The following RANBP2 variants were observed in gnomAD, a reference collection of about 807,000 sequenced individuals.
RANBP2 encodes RAN binding protein 2.
In RANBP2, 57 loss-of-function variants were observed where a neutral mutation model predicts 303.6. The ratio of observed to expected loss-of-function variants is 0.19; its 90% confidence interval spans 0.15 to 0.23. The LOEUF is 0.23. RANBP2 is among the 10% of genes least tolerant of loss of function. RANBP2 has a pLI of 1.00. For missense variants in RANBP2, 3,138 were observed against 3,780.8 expected (o/e 0.83, Z 4.46); for synonymous variants, 1,167 against 1,301.5 (o/e 0.90, Z 2.23).
the RANBP2 span, among the ~76,000 whole-genome samples, chr2:109,313,931 C>T: frequency 2.0e-5 from 3 of 151,966 alleles, no homozygotes; most frequent in Admixed American, 1.3e-4. Context: ...ATGCAGGGTG[C>T]CGTGTTTGGA....
chr2:109,596,937 A>T, the RANBP2 span, among the ~76,000 whole-genome samples: 3 of 152,190 alleles, frequency 2.0e-5, no homozygotes, highest in Non-Finnish European at 2.9e-5. Flanking sequence ...TAATTTTTTT[A>T]AAATTTATTA....
At chr2:109,633,141 C>T in the RANBP2 span, among the ~76,000 whole-genome samples, 1 of 152,086 alleles carries the variant, frequency 6.6e-6, no homozygotes, top group Non-Finnish European at 1.5e-5. Context: ...CCTGTAATCC[C>T]AGAACTTTGG....
chr2:109,350,592 G>C, the RANBP2 span, among the ~76,000 whole-genome samples: 1 of 152,174 alleles, frequency 6.6e-6, no homozygotes, highest in South Asian at 2.1e-4. Context: ...TCACTCCTCA[G>C]TGTCCGCAAA....
chr2:109,259,462 G>A, the RANBP2 span, among the ~76,000 whole-genome samples: 13 of 152,340 alleles, frequency 8.5e-5, no homozygotes, highest in African/African-American at 3.1e-4. Flanking sequence ...ATTGGCTATT[G>A]TGGGCCTGTT....
chr2:109,768,674 CT>C, the RANBP2 span, among the ~76,000 whole-genome samples: 1 of 112,020 alleles, frequency 8.9e-6, no homozygotes, highest in Non-Finnish European at 1.9e-5. Context: ...TTTGCATTTC[CT>C]TCTCCCTGTT....
At chr2:109,594,910 CAG>C in the RANBP2 span, 19 of 150,684 alleles carry the variant, frequency 1.3e-4, no homozygotes, top group Non-Finnish European at 2.5e-4. Flanking sequence ...TTTTTTGAGA[CAG>C]AGTCTCACTC....
At chr2:109,689,289 G>C in the RANBP2 span, among the ~76,000 whole-genome samples, 4 of 152,288 alleles carry the variant, frequency 2.6e-5, no homozygotes, top group Non-Finnish European at 5.9e-5. Context: ...CTGCAGACAG[G>C]CTTTTGGAAA....
At chr2:108,947,063 T>C in the RANBP2 span, among the ~76,000 whole-genome samples, 1 of 152,154 alleles carries the variant, frequency 6.6e-6, no homozygotes, top group African/African-American at 2.4e-5. Flanking sequence ...CAAGATACAA[T>C]GGAGATACAG....
At chr2:108,964,815 C>T in the RANBP2 span, among the ~76,000 whole-genome samples, 7 of 152,128 alleles carry the variant, frequency 4.6e-5, no homozygotes, top group African/African-American at 1.7e-4. Flanking sequence ...ATCAGAAGAC[C>T]TTCCAGAGAG....
At chr2:109,398,953 C>T in the RANBP2 span, 13 of 1,605,078 alleles carry the variant, frequency 8.1e-6, no homozygotes, top group African/African-American at 6.7e-5. Context: ...GGTAACATCC[C>T]GCGGGCCAGG....
the RANBP2 span, among the ~76,000 whole-genome samples, chr2:109,426,325 AT>A: frequency 3.9e-5 from 6 of 152,230 alleles, no homozygotes; most frequent in African/African-American, 1.4e-4. Context: ...CATTATGAAC[AT>A]TTGTGATTCA....
chr2:109,481,734 G>A, the RANBP2 span, among the ~76,000 whole-genome samples: 4 of 152,178 alleles, frequency 2.6e-5, no homozygotes, highest in South Asian at 2.1e-4. Context: ...AAGTGCAGAC[G>A]CTGTGCTGTG....
the RANBP2 span, among the ~76,000 whole-genome samples, chr2:108,893,128 C>T: frequency 2.0e-5 from 3 of 152,326 alleles, no homozygotes; most frequent in Admixed American, 6.5e-5. Flanking sequence ...TTTAAACCTA[C>T]ATTCATGGCT....
chr2:108,892,786 TC>T, the RANBP2 span, among the ~76,000 whole-genome samples: 1 of 152,210 alleles, frequency 6.6e-6, no homozygotes, highest in Non-Finnish European at 1.5e-5. Flanking sequence ...TCCTAGTTGA[TC>T]CTGGCTAGGC....
At chr2:109,278,716 T>C in the RANBP2 span, among the ~76,000 whole-genome samples, 1 of 152,214 alleles carries the variant, frequency 6.6e-6, no homozygotes, top group Non-Finnish European at 1.5e-5. Context: ...CAGAGCCATG[T>C]CTTCATGGTG....
chr2:108,825,831 A>G, the RANBP2 span, among the ~76,000 whole-genome samples: 1 of 152,196 alleles, frequency 6.6e-6, no homozygotes, highest in East Asian at 1.9e-4. Flanking sequence ...TGGAACTGCT[A>G]AAGTGCCAGA....
the RANBP2 span, among the ~76,000 whole-genome samples, chr2:109,526,382 G>A: frequency 3.9e-5 from 6 of 152,164 alleles, no homozygotes; most frequent in Middle Eastern, 0.014. Flanking sequence ...ATCTCAGCTC[G>A]CTGCAACCTC....
At chr2:108,933,772 G>A in the RANBP2 span, among the ~76,000 whole-genome samples, 5 of 146,442 alleles carry the variant, frequency 3.4e-5, no homozygotes, top group African/African-American at 5.2e-5. Context: ...ACGGGAGATC[G>A]GGGTGGCGGG....
chr2:109,085,389 C>T, the RANBP2 span, among the ~76,000 whole-genome samples: 12 of 150,716 alleles, frequency 8.0e-5, no homozygotes, highest in Non-Finnish European at 1.3e-4. Context: ...CTGCAATCTC[C>T]GCCTCCTGAG....
Sources: allele counts gnomAD v4.1 joint callset (sites outside exome capture counted in the v4.1 genomes callset), GRCh38; gene constraint gnomAD v4.1.1; transcripts MANE v1.5; gene names NCBI Gene and HGNC (gene_info 2026-07-23, HGNC 2026-07-21).